Variants in PCSK6 observed in about 807,000 individuals in gnomAD.
PCSK6 encodes proprotein convertase subtilisin/kexin type 6, also known as paired basic amino acid cleaving enzyme 4.
A neutral mutation model predicts 123.3 loss-of-function variants in PCSK6; 85 were observed. The ratio of observed to expected loss-of-function variants is 0.69; its 90% CI spans 0.58 to 0.83. PCSK6 has a LOEUF of 0.83. Among genes scored for constraint, PCSK6 ranks in the 40% least tolerant of loss-of-function variants. The pLI, the probability that PCSK6 is intolerant of heterozygous loss-of-function variation, is 0.00. For synonymous variants in PCSK6, 508 were observed against 516.0 expected (o/e 0.98, Z 0.21); for missense variants, 1,191 against 1,282.3 (o/e 0.93, Z 1.09).
intron 18 of PCSK6, 118 bp from the exon 19 acceptor site, chr15:101,318,540 C>A: frequency 1.2e-6 from 1 of 843,804 alleles, no homozygotes; most frequent in Non-Finnish European, 1.9e-6. Context: ...CTTTGTGTCA[C>A]CGAAAGTTCT....
intron 6 of PCSK6, among the ~76,000 whole-genome samples, chr15:101,406,313 G>A (rs2042781470): frequency 6.6e-6 from 1 of 152,136 alleles, no homozygotes; most frequent in Admixed American, 6.5e-5. Context: ...GGACACGCTG[G>A]GCCCACTTTT....
intron 6 of PCSK6, among the ~76,000 whole-genome samples, chr15:101,409,603 C>G (rs1279505955): frequency 8.1e-6 from 1 of 123,798 alleles, no homozygotes; most frequent in Non-Finnish European, 1.7e-5. Context: ...AAAAAAAATG[C>G]AGGGAAAGTG....
At chr15:101,350,201 T>C (rs986951723) in intron 13 of PCSK6, among the ~76,000 whole-genome samples, 3 of 152,216 alleles carry the variant, frequency 2.0e-5, no homozygotes, top group Non-Finnish European at 4.4e-5. Context: ...ACAACGCACC[T>C]GGCCTTTAGT....
intron 13 of PCSK6, among the ~76,000 whole-genome samples, chr15:101,358,664 G>A (rs1041106814): frequency 2.0e-5 from 3 of 152,218 alleles, no homozygotes; most frequent in South Asian, 2.1e-4. Flanking sequence ...AGGAACAGCC[G>A]GAAGAGGTAC....
chr15:101,361,807 AGTGGAAT>A (rs1354812544), intron 13 of PCSK6, among the ~76,000 whole-genome samples: 2 of 152,138 alleles, frequency 1.3e-5, no homozygotes, highest in Non-Finnish European at 1.5e-5. Flanking sequence ...CAGGGGGGCC[AGTGGAAT>A]GAGGAGGTAA....
intron 12 of PCSK6, among the ~76,000 whole-genome samples, chr15:101,368,803 G>A (rs1453964741): frequency 6.6e-6 from 1 of 152,214 alleles, no homozygotes; most frequent in African/African-American, 2.4e-5. Context: ...GGAACACGGG[G>A]CTGGTGTCAG....
intron 15 of PCSK6, among the ~76,000 whole-genome samples, chr15:101,330,366 C>T (rs1364830211): frequency 1.3e-5 from 2 of 152,358 alleles, no homozygotes; most frequent in South Asian, 2.1e-4. Flanking sequence ...GTGCAGCCTC[C>T]ACTGGCCTGG....
chr15:101,323,289 G>C (rs533887121), intron 17 of PCSK6, among the ~76,000 whole-genome samples: 1 of 152,224 alleles, frequency 6.6e-6, no homozygotes, highest in Admixed American at 6.5e-5. Flanking sequence ...TGAGGATGTC[G>C]GGGTGAAGAA....
At position 101,380,976 on chromosome 15, in the gene PCSK6, G is replaced by A. The variant is rs544593781; in HGVS notation, c.1532+1116C>T. Among the ~76,000 whole-genome samples, 158 of 152,234 alleles carry A rather than the reference G, an allele frequency of 1.0e-3. 1 individual carries two copies. The highest frequency in any genetic ancestry group is 3.5e-3 in the African/African-American group (144 of 41,566). On this transcript the variant is annotated intron_variant, in intron 11 of 21. Transcript: ENST00000611716. Reference sequence around the variant, plus strand: ...AACACCGTTCTCCTTAAAAACAGCTGCGATGGCAGAATTGGAATAATCTGA... The same window carrying A: ...AACACCGTTCTCCTTAAAAACAGCTACGATGGCAGAATTGGAATAATCTGA...
intron 11 of PCSK6, among the ~76,000 whole-genome samples, chr15:101,376,418 C>T (rs150724363): frequency 1.2e-4 from 18 of 152,266 alleles, no homozygotes; most frequent in African/African-American, 2.2e-4. Flanking sequence ...TAGTGCTGTC[C>T]GCTGTGAGTC....
intron 13 of PCSK6, among the ~76,000 whole-genome samples, chr15:101,355,749 G>C (rs1269345957): frequency 6.6e-6 from 1 of 152,284 alleles, no homozygotes; most frequent in Non-Finnish European, 1.5e-5. Context: ...CAGGTCATGA[G>C]GAGGTGCAGG....
intron 6 of PCSK6, among the ~76,000 whole-genome samples, chr15:101,408,666 C>A (rs1351078877): frequency 6.6e-6 from 1 of 152,180 alleles, no homozygotes; most frequent in Non-Finnish European, 1.5e-5. Context: ...CCAAATCCCC[C>A]CAAGCCCCCC....
intron 2 of PCSK6, among the ~76,000 whole-genome samples, chr15:101,439,852 C>G (rs898126279): frequency 6.6e-6 from 1 of 152,154 alleles, no homozygotes; most frequent in East Asian, 1.9e-4. Context: ...GCATTGAACC[C>G]AAGCCTCCTA....
chr15:101,382,073 T>A lies in PCSK6; in HGVS notation c.1532+19A>T, dbSNP rs780969093. 3.8e-6 allele frequency: 6 copies of A among 1,559,334 alleles called. No homozygotes were observed. In the Middle Eastern group the frequency reaches 5.0e-4, roughly 130 times the overall value. The stretch of plus-strand genomic sequence containing the variant: ...ACCCACGTGCCTGAGAAGTCACCGA[T>A]GCCACAGCAGAGCCTTACCTGGGTC... On this transcript the variant is annotated intron_variant, in intron 11 of 21. Transcript: ENST00000611716.
chr15:101,483,036 A>T (rs1429839939), intron 1 of PCSK6, among the ~76,000 whole-genome samples: 2 of 152,048 alleles, frequency 1.3e-5, no homozygotes, highest in East Asian at 3.9e-4. Flanking sequence ...GAGCTTCACA[A>T]CCCTCATCTT....
chr15:101,413,030 G>GGAGA (rs2055757625), intron 6 of PCSK6, among the ~76,000 whole-genome samples: 1 of 119,510 alleles, frequency 8.4e-6, no homozygotes, highest in Non-Finnish European at 1.8e-5. Context: ...GGAGGAGGAG[G>GGAGA]AGGAGGAGGA....
chr15:101,398,485 G>A lies in PCSK6; in HGVS notation c.915C>T (p.Ser305=), dbSNP rs746100095. 7.4e-6 allele frequency: 12 copies of A among 1,613,982 alleles called. No homozygotes were observed. The highest frequency in any genetic ancestry group is 1.0e-5 in the Non-Finnish European group (12 of 1,179,854). The change falls in exon 7 of 22, where the codon AGC becomes AGT. Residue 305 remains serine, a synonymous_variant. Transcript: ENST00000611716. This position sits in a 1 kb window ranked among gnomAD's most constrained non-coding sequence, Gnocchi z 4.6. ...TCTTGCCGTCGTCGTCCGGCCCCCA[G>A]CTGGCACTGTAAATGTCGATGTAGT... ...RPNYIDIYSA[S]WGPDDDGKTV...
intron 6 of PCSK6, among the ~76,000 whole-genome samples, chr15:101,413,616 C>T (rs942183907): frequency 1.3e-5 from 2 of 151,372 alleles, no homozygotes; most frequent in African/African-American, 2.4e-5. Context: ...AAAAACATGG[C>T]CCACGTTTGA....
At chr15:101,455,995 C>T (rs1042607481) in intron 1 of PCSK6, among the ~76,000 whole-genome samples, 19 of 152,174 alleles carry the variant, frequency 1.2e-4, no homozygotes, top group Admixed American at 1.2e-3. Flanking sequence ...ATCTCTGCAC[C>T]CTTGCTGGCC....
Sources: allele counts gnomAD v4.1 joint callset (sites outside exome capture counted in the v4.1 genomes callset), GRCh38; gene constraint gnomAD v4.1.1; non-coding constraint Gnocchi (gnomAD v3.1); transcripts MANE v1.5; gene names NCBI Gene and HGNC (gene_info 2026-07-23, HGNC 2026-07-21).